SYT2: variants seen among roughly 807,000 people sequenced by gnomAD.
SYT2 encodes synaptotagmin-2.
Under a neutral mutation model 39.9 loss-of-function variants are expected in SYT2, and 15 were observed. The observed-to-expected ratio is 0.38, with a 90% confidence interval of 0.25 to 0.58. SYT2 has a LOEUF of 0.58. Among genes scored for constraint, SYT2 ranks in the 20% least tolerant of loss-of-function variants. The probability of loss-of-function intolerance (pLI) is 0.70; values close to 1 mark genes in which losing one functional copy is unlikely to be tolerated. For synonymous variants in SYT2, 181 were observed against 204.5 expected (o/e 0.89, Z 0.98); for missense variants, 389 against 530.3 (o/e 0.73, Z 2.62).
intron 1 of SYT2, among the ~76,000 whole-genome samples, chr1:202,618,416 T>TGTGTGTGTGTGTGCGC (rs1553336811): frequency 1.3e-4 from 19 of 151,772 alleles, no homozygotes; most frequent in African/African-American, 4.6e-4. Context: ...TGTGTGTGTG[T>TGTGTGTGTGTGTGCGC]GTGTGTGTGT....
chr1:202,700,887 T>TCC (rs1654105266), intron 1 of SYT2, among the ~76,000 whole-genome samples: 1 of 152,172 alleles, frequency 6.6e-6, no homozygotes, highest in African/African-American at 2.4e-5. Context: ...ACATCACTGC[T>TCC]CCCCAAGTGG....
At chr1:202,693,609 C>T (rs572512790) in intron 1 of SYT2, among the ~76,000 whole-genome samples, 103 of 152,222 alleles carry the variant, frequency 6.8e-4, no homozygotes, top group African/African-American at 2.4e-3. Context: ...ATAGGTCCTG[C>T]CAAGAGGCTG....
chr1:202,602,054 G>C lies in SYT2; in HGVS notation c.637C>G (p.Pro213Ala). 1.9e-6 allele frequency: 3 copies of C among 1,614,048 alleles called. No homozygotes were observed. In the South Asian group the frequency reaches 3.3e-5, roughly 18 times the overall value. ...GTTTTGCCCCCAAGCTCCTGGTATG[G>C]CACCTGCAGGGCACAAGCAGAATCA... ...AFNETFTFKV[P>A]YQELGGKTLV... The change falls in exon 6 of 9, where the codon CCA becomes GCA. Residue 213 changes from proline (P) to alanine (A), a missense_variant. By Grantham distance (27) the Pro-to-Ala change is conservative (BLOSUM62 -1). Coordinates refer to ENST00000367268, the MANE Select transcript of SYT2 (RefSeq NM_177402.5).
chr1:202,687,817 C>T (rs183821753), intron 1 of SYT2, among the ~76,000 whole-genome samples: 4 of 152,174 alleles, frequency 2.6e-5, no homozygotes, highest in East Asian at 1.9e-4. Flanking sequence ...TTAATTTTTC[C>T]CTTTGGGAAT....
chr1:202,639,840 G>C, intron 1 of SYT2: 1 of 985,424 alleles, frequency 1.0e-6, no homozygotes, highest in Non-Finnish European at 1.2e-6. Flanking sequence ...GCATTTTGGG[G>C]GATCGTGTGC....
At chr1:202,672,322 G>T (rs1399921612) in intron 1 of SYT2, among the ~76,000 whole-genome samples, 1 of 152,190 alleles carries the variant, frequency 6.6e-6, no homozygotes, top group Non-Finnish European at 1.5e-5. Flanking sequence ...ATTAGGTTTA[G>T]ATGAGGCCAT....
intron 1 of SYT2, among the ~76,000 whole-genome samples, chr1:202,704,825 T>C (rs1299394433): frequency 6.6e-6 from 1 of 152,196 alleles, no homozygotes; most frequent in African/African-American, 2.4e-5. Flanking sequence ...TGTCCCATCA[T>C]GCACTCAAGA....
chr1:202,709,818 C>T lies in SYT2; in HGVS notation c.-18+440G>A, dbSNP rs1404032251. 2.0e-5 allele frequency among the ~76,000 whole-genome samples: 3 copies of T among 152,146 alleles called. No homozygotes were observed. In the East Asian group the frequency reaches 5.8e-4, roughly 29 times the overall value. On this transcript the variant is annotated intron_variant, in intron 1 of 8. Coordinates refer to ENST00000367268, the MANE Select transcript of SYT2 (RefSeq NM_177402.5). The stretch of plus-strand genomic sequence containing the variant: ...CCACGACGGCGGTGCCAGGGGTCCC[C>T]GAAGCTTGAGACTGGGGCAAAAGAA...
intron 1 of SYT2, among the ~76,000 whole-genome samples, chr1:202,674,863 C>A (rs1419172688): frequency 6.6e-6 from 1 of 151,718 alleles, no homozygotes; most frequent in Non-Finnish European, 1.5e-5. Context: ...CCCCCTCCCC[C>A]ACTGCCCAGC....
chr1:202,671,191 G>A (rs1229690851), intron 1 of SYT2, among the ~76,000 whole-genome samples: 1 of 152,204 alleles, frequency 6.6e-6, no homozygotes, highest in Non-Finnish European at 1.5e-5. Flanking sequence ...CCCCACCTTT[G>A]AGAAAAGAAC....
chr1:202,621,356 C>G (rs777913227), intron 1 of SYT2, among the ~76,000 whole-genome samples: 2 of 152,134 alleles, frequency 1.3e-5, no homozygotes, highest in African/African-American at 4.8e-5. Context: ...AATACAGGGC[C>G]GTGATCATAG....
chr1:202,686,156 TG>T lies in SYT2; in HGVS notation c.-18+24101del, dbSNP rs1407786440. Among the ~76,000 whole-genome samples the T allele has an allele frequency of 7.9e-5, 12 of 152,318 alleles. No individual in the cohort carries two copies. In the East Asian group the frequency reaches 2.1e-3, roughly 27 times the overall value. On this transcript the variant is annotated intron_variant, in intron 1 of 8. Coordinates refer to ENST00000367268, the MANE Select transcript of SYT2 (RefSeq NM_177402.5). ...TGTTTGGGTTGTTTGGGTTACCCTG[TG>T]GGGGTCCCCCTTCGCCTTCTGCCAT...
chr1:202,617,766 G>A (rs1483746772), intron 1 of SYT2, among the ~76,000 whole-genome samples: 5 of 152,126 alleles, frequency 3.3e-5, no homozygotes, highest in Admixed American at 1.3e-4. Context: ...GACTGTATAA[G>A]CAGCCACCTC....
In SYT2 at chr1:202,695,308, C is replaced by T. The variant is rs774821773; in HGVS notation, c.-18+14950G>A. On this transcript the variant is annotated intron_variant, in intron 1 of 8. Coordinates refer to ENST00000367268, the MANE Select transcript of SYT2 (RefSeq NM_177402.5). ...ACCCTTGGGAGGGCATCTGACCCAT[C>T]ACCTTGATCTAGAGATATAACTGCC... Among the ~76,000 whole-genome samples, 16 of 152,158 alleles carry T rather than the reference C, an allele frequency of 1.1e-4. 1 individual carries two copies. Among genetic ancestry groups the T allele is most frequent in the African/African-American group, 3.4e-4 (14 of 41,436 alleles).
At chr1:202,651,206 G>A (rs1445609184) in intron 1 of SYT2, among the ~76,000 whole-genome samples, 1 of 152,182 alleles carries the variant, frequency 6.6e-6, no homozygotes, top group South Asian at 2.1e-4. Flanking sequence ...GGAAGGAAGG[G>A]ATGGATTTGC....
chr1:202,650,138 G>A (rs1692163725), intron 1 of SYT2, among the ~76,000 whole-genome samples: 1 of 152,234 alleles, frequency 6.6e-6, no homozygotes, highest in Non-Finnish European at 1.5e-5. Context: ...GGGCTCAGAG[G>A]ATCTTCCCAG....
chr1:202,672,167 T>G (rs1692600572), intron 1 of SYT2, among the ~76,000 whole-genome samples: 1 of 152,244 alleles, frequency 6.6e-6, no homozygotes, highest in Non-Finnish European at 1.5e-5. Context: ...TGCCACATGA[T>G]AGTTTGAAAA....
At chr1:202,649,908 C>T (rs1047191519) in intron 1 of SYT2, among the ~76,000 whole-genome samples, 3 of 152,222 alleles carry the variant, frequency 2.0e-5, no homozygotes, top group African/African-American at 4.8e-5. Context: ...ATGTGACTTG[C>T]CCAAGACCGC....
intron 1 of SYT2, among the ~76,000 whole-genome samples, chr1:202,709,889 G>T (rs951930129): frequency 6.6e-6 from 1 of 152,164 alleles, no homozygotes; most frequent in African/African-American, 2.4e-5. Flanking sequence ...GGCTAGACGC[G>T]AGTGGGTTCG....
Sources: gnomAD v4.1 joint callset for allele counts (sites outside exome capture counted in the v4.1 genomes callset) on GRCh38, gnomAD v4.1.1 for gene constraint, MANE v1.5 for transcripts, NCBI Gene and HGNC (gene_info 2026-07-23, HGNC 2026-07-21) for gene names.